Variants in PCDHGA8 observed in about 807,000 individuals in gnomAD.
PCDHGA8 encodes the protein protocadherin gamma subfamily A, 8, also known as protocadherin gamma-A8.
PCDHGA8 carries 45 observed loss-of-function variants against 59.2 expected under a neutral mutation model. The ratio of observed to expected loss-of-function variants is 0.76; its 90% confidence interval spans 0.60 to 0.98. The LOEUF is 0.98. Ranked by LOEUF, PCDHGA8 falls within the 50% of genes least tolerant of loss-of-function variation. The pLI, the probability that PCDHGA8 is intolerant of heterozygous loss-of-function variation, is 0.00. For missense variants in PCDHGA8, 1,257 were observed against 1,196.2 expected (o/e 1.05, Z -0.75); for synonymous variants, 531 against 519.0 (o/e 1.02, Z -0.32).
At chr5:141,467,060 T>C (rs1304506319) in intron 1 of PCDHGA8, among the ~76,000 whole-genome samples, 1 of 151,520 alleles carries the variant, frequency 6.6e-6, no homozygotes, top group Non-Finnish European at 1.5e-5. Context: ...GTTTTCTTTT[T>C]TTTTTTTTTT....
intron 1 of PCDHGA8, chr5:141,399,067 G>A (rs774399021): frequency 4.3e-6 from 7 of 1,613,834 alleles, no homozygotes; most frequent in African/African-American, 1.3e-5. Context: ...ATATTCAATG[G>A]TTGTAGAAGG....
At chr5:141,400,008 C>A (rs1395195387) in intron 1 of PCDHGA8, 1 of 1,612,692 alleles carries the variant, frequency 6.2e-7, no homozygotes, top group South Asian at 1.1e-5. Flanking sequence ...CAGCGCGTGC[C>A]TTGGGCGACA....
intron 1 of PCDHGA8, among the ~76,000 whole-genome samples, chr5:141,447,677 A>G (rs748479750): frequency 6.6e-6 from 1 of 152,184 alleles, no homozygotes; most frequent in Non-Finnish European, 1.5e-5. Context: ...GAACTGTTCC[A>G]TATCTTGATA....
chr5:141,405,059 G>A (rs374581472), intron 1 of PCDHGA8: 22 of 1,613,900 alleles, frequency 1.4e-5, no homozygotes, highest in Non-Finnish European at 1.9e-5. Flanking sequence ...CGTCTCCTGT[G>A]TCTTCCTCAC....
In PCDHGA8 at chr5:141,487,470, G is replaced by C; in HGVS notation, c.2425-7337G>C. ...GACCCTATCAAGTTTGTTGATGTGG[G>C]AGGCCACTCTCATGGCTGTACACCC... On this transcript the variant is annotated intron_variant, in intron 1 of 3. Coordinates refer to ENST00000398604, the MANE Select transcript of PCDHGA8 (RefSeq NM_032088.2). The surrounding 1 kb of genome is among the most constrained non-coding windows in gnomAD (Gnocchi z 5.0). The C allele has an allele frequency of 1.9e-6, 3 of 1,614,162 alleles. No individual in the cohort carries two copies. Among genetic ancestry groups the C allele is most frequent in the South Asian group, 1.1e-5 (1 of 91,084 alleles).
At chr5:141,437,393 G>T (rs1034237295) in intron 1 of PCDHGA8, among the ~76,000 whole-genome samples, 3 of 152,180 alleles carry the variant, frequency 2.0e-5, no homozygotes, top group Admixed American at 6.5e-5. Flanking sequence ...TTCATCCACT[G>T]CTTTCATTCC....
At position 141,486,609 on chromosome 5, in the gene PCDHGA8, C is replaced by T; in HGVS notation, c.2425-8198C>T. The T allele has an allele frequency of 6.2e-7, 1 of 1,613,568 alleles. No homozygotes were observed. ...GGGGACCTGCTTTGCTCCCTTGCAG[C>T]CTCTGACCCAGACTCTGGCTTGAAT... On this transcript the variant is annotated intron_variant, in intron 1 of 3. Transcript: ENST00000398604. The surrounding 1 kb of genome is among the most constrained non-coding windows in gnomAD (Gnocchi z 5.0).
chr5:141,511,077 T>C lies in PCDHGA8; in HGVS notation c.2703T>C (p.Asn901=), dbSNP rs1279500774. ...YRQNVYIPGS[N]ATLTNAAGKR... is the part of the protein sequence containing the mutation. ...AGAATGTCTACATCCCAGGCAGCAA[T>C]GCCACACTGACCAACGCAGCTGGCA... is the stretch of plus-strand genomic sequence containing the variant. Residue 901 remains asparagine, a synonymous_variant, in exon 4 of 4, where the codon AAT becomes AAC. Transcript: ENST00000398604. 5 of 1,614,062 alleles carry C rather than the reference T, an allele frequency of 3.1e-6. No individual in the cohort carries two copies. The African/African-American group carries it at 6.7e-5, about 22-fold the overall frequency.
intron 1 of PCDHGA8, chr5:141,417,977 G>A (rs752463782): frequency 6.2e-7 from 1 of 1,613,872 alleles, no homozygotes; most frequent in Admixed American, 1.7e-5. Flanking sequence ...GATTCCGGAG[G>A]AGCTGGCCAA....
rs755936344 is a variant in PCDHGA8, at chr5:141,490,704, C to T, written c.2425-4103C>T. ...ATCCAGACACTGGGGATAATGCCCG[C>T]CTCACCTACTCCATTGTAGGAAATC... On this transcript the variant is annotated intron_variant, in intron 1 of 3. Transcript: ENST00000398604. The surrounding 1 kb of genome is among the most constrained non-coding windows in gnomAD (Gnocchi z 5.4). 6.2e-7 allele frequency: 1 copy of T among 1,614,166 alleles called. No homozygotes were observed.
intron 1 of PCDHGA8, chr5:141,410,048 C>T (rs1471679304): frequency 4.3e-6 from 7 of 1,613,042 alleles, no homozygotes; most frequent in Non-Finnish European, 4.2e-6. Flanking sequence ...TGAGCCCGGA[C>T]TCTTCAGCCT....
chr5:141,422,997 C>G, intron 1 of PCDHGA8: 1 of 1,614,218 alleles, frequency 6.2e-7, no homozygotes, highest in South Asian at 1.1e-5. Flanking sequence ...ACCTGGTGAC[C>G]AAGGTGGTTG....
In PCDHGA8 at chr5:141,431,469, A is replaced by G; in HGVS notation, c.2424+36232A>G. 1.9e-6 allele frequency: 3 copies of G among 1,613,824 alleles called. No individual in the cohort carries two copies. Among genetic ancestry groups the G allele is most frequent in the Non-Finnish European group, 2.5e-6 (3 of 1,179,968 alleles). ...CGCGTGATGGTTCTGGATGCGAACG[A>G]CAACGCACCAGCGTTTGCTCAGCCC... is the stretch of plus-strand genomic sequence containing the variant. On this transcript the variant is annotated intron_variant, in intron 1 of 3. Coordinates refer to ENST00000398604, the MANE Select transcript of PCDHGA8 (RefSeq NM_032088.2). This position sits in a 1 kb window ranked among gnomAD's most constrained non-coding sequence, Gnocchi z 4.8.
intron 1 of PCDHGA8, chr5:141,417,508 TATTTTGGCTGTCAACTCGTAG>T: frequency 4.2e-6 from 1 of 237,898 alleles, no homozygotes; most frequent in East Asian, 9.1e-5. Flanking sequence ...AAGATTAAAA[TATTTTGGCTGTCAACTCGTAG>T]TTTAAAAAAA....
chr5:141,478,758 T>C (rs1333135263), intron 1 of PCDHGA8: 2 of 1,515,540 alleles, frequency 1.3e-6, no homozygotes, highest in South Asian at 1.3e-5. Flanking sequence ...AGGGGGAAGA[T>C]ACTTGACTCA....
At position 141,490,132 on chromosome 5, in the gene PCDHGA8, A is replaced by C. The variant is rs1245562757; in HGVS notation, c.2425-4675A>C. On this transcript the variant is annotated intron_variant, in intron 1 of 3. Coordinates refer to ENST00000398604, the MANE Select transcript of PCDHGA8 (RefSeq NM_032088.2). This position sits in a 1 kb window ranked among gnomAD's most constrained non-coding sequence, Gnocchi z 5.4. ...GCGGAACCTCTTTGGCCTAGACCCT[A>C]GCAGTGGGGCAATCCATGTGTTGGG... 6.2e-7 allele frequency: 1 copy of C among 1,614,220 alleles called. No individual in the cohort carries two copies. Among genetic ancestry groups the C allele is most frequent in the South Asian group, 1.1e-5 (1 of 91,088 alleles).
intron 1 of PCDHGA8, among the ~76,000 whole-genome samples, chr5:141,406,069 C>G (rs72790037): frequency 0.11 from 16,670 of 145,514 alleles, 1,088 homozygotes; most frequent in African/African-American, 0.2. Flanking sequence ...AAAATTCTTA[C>G]TCCTTTTTTT....
chr5:141,457,574 T>C (rs992522039), intron 1 of PCDHGA8, among the ~76,000 whole-genome samples: 2 of 152,238 alleles, frequency 1.3e-5, no homozygotes, highest in Non-Finnish European at 2.9e-5. Context: ...AAAATTTTTC[T>C]CTCCAGTCCT....
chr5:141,414,421 A>AGGGAACAG (rs1486483287), intron 1 of PCDHGA8: 1 of 1,613,776 alleles, frequency 6.2e-7, no homozygotes, highest in Non-Finnish European at 8.5e-7. Context: ...AGCCCTTGAC[A>AGGGAACAG]GGGAACAGGT....
Sources: gnomAD v4.1 joint callset for allele counts (sites outside exome capture counted in the v4.1 genomes callset) on GRCh38, gnomAD v4.1.1 for gene constraint, Gnocchi (gnomAD v3.1) non-coding constraint, MANE v1.5 for transcripts, NCBI Gene and HGNC (gene_info 2026-07-23, HGNC 2026-07-21) for gene names.